The following LAMC3 variants were observed in gnomAD, a reference collection of about 807,000 sequenced individuals.
LAMC3 encodes laminin subunit gamma 3.
Under a neutral mutation model 173.8 loss-of-function variants are expected in LAMC3, and 128 were observed. The ratio of observed to expected loss-of-function variants is 0.74; its 90% CI spans 0.64 to 0.85. The LOEUF is 0.85. Among genes scored for constraint, LAMC3 ranks in the 40% least tolerant of loss-of-function variants. The pLI, the probability that LAMC3 is intolerant of heterozygous loss-of-function variation, is 0.00. For synonymous variants in LAMC3, 897 were observed against 909.1 expected (o/e 0.99, Z 0.24); for missense variants, 2,022 against 2,156.0 (o/e 0.94, Z 1.23).
chr9:131,016,570 T>C (rs1306774607), intron 1 of LAMC3, among the ~76,000 whole-genome samples: 1 of 152,172 alleles, frequency 6.6e-6, no homozygotes, highest in African/African-American at 2.4e-5. Context: ...CATCGAGGCG[T>C]TCTTTATAGT....
intron 8 of LAMC3, among the ~76,000 whole-genome samples, chr9:131,046,430 A>G (rs527430021): frequency 8.0e-5 from 12 of 149,628 alleles, no homozygotes; most frequent in Non-Finnish European, 1.3e-4. Flanking sequence ...GCTGGTCTCA[A>G]TCTCCTGGGC....
chr9:131,024,046 C>A (rs1008946513), intron 1 of LAMC3, among the ~76,000 whole-genome samples: 4 of 151,126 alleles, frequency 2.6e-5, no homozygotes, highest in African/African-American at 9.7e-5. Flanking sequence ...TGTATTTTTT[C>A]TTTTGTTACC....
At chr9:131,052,117 C>T (rs1433716712) in intron 9 of LAMC3, among the ~76,000 whole-genome samples, 4 of 152,168 alleles carry the variant, frequency 2.6e-5, no homozygotes, top group African/African-American at 4.8e-5. Flanking sequence ...CTAGGAATTT[C>T]GTGCTCATGG....
rs376240028 is a variant in LAMC3 at position 131,061,158 on chromosome 9, C to T, written c.2282C>T (p.Ser761Leu). 203 of 1,612,802 alleles carry T rather than the reference C, an allele frequency of 1.3e-4. No individual in the cohort carries two copies. Among genetic ancestry groups the T allele is most frequent in the Non-Finnish European group, 1.5e-4 (179 of 1,179,936 alleles). ...CAGCCCTGTCCCTGCCCTGGCCAGT[C>T]GGCCTGTACGACCATCCCAGAGAGC... Reference protein sequence around the residue: ...DCQPCPCPGQSACTTIPESRE... With the variant: ...DCQPCPCPGQLACTTIPESRE... Residue 761 changes from serine (S) to leucine (L), a missense_variant, in exon 13 of 28, where the codon TCG (serine) becomes TTG (leucine). Transcript: ENST00000361069.
At chr9:131,016,231 T>C (rs57289628) in intron 1 of LAMC3, among the ~76,000 whole-genome samples, 3,962 of 152,182 alleles carry the variant, frequency 0.026, 169 homozygotes, top group African/African-American at 0.091. Flanking sequence ...GGTAGAATGC[T>C]GGTTGCCAGG....
chr9:131,016,429 A>T (rs2133208169), intron 1 of LAMC3, among the ~76,000 whole-genome samples: 1 of 152,360 alleles, frequency 6.6e-6, no homozygotes, highest in Middle Eastern at 3.4e-3. Flanking sequence ...GGGGAAAAGT[A>T]CATGTCAGCC....
intron 2 of LAMC3, among the ~76,000 whole-genome samples, chr9:131,030,843 C>G (rs550041293): frequency 1.3e-5 from 2 of 152,238 alleles, no homozygotes; most frequent in Admixed American, 6.5e-5. Flanking sequence ...AGCATCAGTA[C>G]CTGGGCACTT....
At chr9:131,054,572 G>A (rs553249471) in intron 11 of LAMC3, among the ~76,000 whole-genome samples, 1 of 152,192 alleles carries the variant, frequency 6.6e-6, no homozygotes, top group Non-Finnish European at 1.5e-5. Flanking sequence ...TGGGCAATAT[G>A]GTGAAACCCC....
intron 22 of LAMC3, 85 bp downstream of exon 22, chr9:131,077,419 G>A (rs1034118655): frequency 8.0e-5 from 125 of 1,555,132 alleles, no homozygotes; most frequent in Admixed American, 2.0e-4. Flanking sequence ...GCTCACGCCT[G>A]TAATCGCAGC....
intron 11 of LAMC3, among the ~76,000 whole-genome samples, chr9:131,055,661 A>T (rs1181994962): frequency 6.7e-6 from 1 of 150,030 alleles, no homozygotes; most frequent in Non-Finnish European, 1.5e-5. Context: ...TCCTGACCTT[A>T]TGATTCGCCC....
chr9:131,021,895 T>C (rs1020446563), intron 1 of LAMC3, among the ~76,000 whole-genome samples: 1 of 152,112 alleles, frequency 6.6e-6, no homozygotes, highest in Non-Finnish European at 1.5e-5. Flanking sequence ...TGAGGAACGG[T>C]GAAGGGACGG....
Position 131,020,193 on chromosome 9 carries a change from G to A in LAMC3, c.374-6092G>A, listed in dbSNP as rs3808812. On this transcript the variant is annotated intron_variant, in intron 1 of 27. Transcript: ENST00000361069. ...GGTGAGGCTGCCCTGCCCACCTCGAGCATCAGAACCAGGTGGGTGAGCTGC... is the reference window on the plus strand; with the variant it reads ...GGTGAGGCTGCCCTGCCCACCTCGAACATCAGAACCAGGTGGGTGAGCTGC... Among the ~76,000 whole-genome samples the A allele has an allele frequency of 3.1e-3, 473 of 152,298 alleles. 4 individuals are homozygous for A. The highest frequency in any genetic ancestry group is 0.017 in the East Asian group (87 of 5,170).
At chr9:131,068,591 A>T (rs1454045005) in intron 15 of LAMC3, among the ~76,000 whole-genome samples, 1 of 120,188 alleles carries the variant, frequency 8.3e-6, no homozygotes, top group East Asian at 2.5e-4. Context: ...CAAGTGGAGC[A>T]AACAGGTTTC....
chr9:131,011,331 T>C (rs1468769634), intron 1 of LAMC3, among the ~76,000 whole-genome samples: 2 of 152,186 alleles, frequency 1.3e-5, no homozygotes, highest in Non-Finnish European at 2.9e-5. Flanking sequence ...TCAGAGAGGT[T>C]GTTTTGCCCA....
At chr9:131,028,311 G>A (rs1465078560) in intron 2 of LAMC3, among the ~76,000 whole-genome samples, 1 of 152,126 alleles carries the variant, frequency 6.6e-6, no homozygotes, top group African/African-American at 2.4e-5. Context: ...CGAAAAGGTT[G>A]GAGTACCGCT....
Position 131,087,621 on chromosome 9 carries a change from G to A in LAMC3, c.4376G>A (p.Arg1459Gln), listed in dbSNP as rs4740412. 397,067 of 1,613,758 alleles carry A rather than the reference G, an allele frequency of 0.25. 51,514 individuals are homozygous for A. Among genetic ancestry groups the A allele is most frequent in the Middle Eastern group, 0.31 (1,901 of 6,060 alleles). Residue 1459 changes from arginine to glutamine, a missense_variant and splice_region_variant, in exon 26 of 28, where the codon CGG becomes CAG. Coordinates refer to ENST00000361069, the MANE Select transcript of LAMC3 (RefSeq NM_006059.4). ...AGACAGGAGCTGGAGGAAGCTGAGC[G>A]GGTACGTTTGCCAGGGCCCCTACCC... is the stretch of plus-strand genomic sequence containing the variant. ...ARRQELEEAE[R>Q]VGAGLSEMEQ...
At chr9:131,060,460 A>G (rs1197694302) in intron 12 of LAMC3, among the ~76,000 whole-genome samples, 1 of 152,158 alleles carries the variant, frequency 6.6e-6, no homozygotes, top group African/African-American at 2.4e-5. Flanking sequence ...CCTGGCCAAC[A>G]TGGTGAAACC....
intron 15 of LAMC3, 68 bp from the exon 16 acceptor site, chr9:131,068,840 A>G (rs1442155847): frequency 6.3e-6 from 10 of 1,585,940 alleles, no homozygotes; most frequent in Non-Finnish European, 7.8e-6. Flanking sequence ...AGCCAGCTGC[A>G]GCCGGCAGAG....
chr9:131,052,638 GC>G lies in LAMC3; in HGVS notation c.1783del (p.Gln595ArgfsTer9). The G allele has an allele frequency of 6.2e-7, 1 of 1,613,908 alleles. No individual in the cohort carries two copies. Among genetic ancestry groups the G allele is most frequent in the South Asian group, 1.1e-5 (1 of 91,066 alleles). Reference protein sequence around the residue: ...ALSLRHSSLSGPQDAGHPREV... With the variant: ...ALSLRHSSLSXPQDAGHPREV... ...TCCCTGAGGCACTCTAGCCTGTCTG[GC>G]CCCCAGGATGCCGGGCATCCCAGGG... On this transcript the variant is annotated frameshift_variant, in exon 10 of 28. Transcript: ENST00000361069. LOFTEE classifies it high-confidence loss of function.
Sources: allele counts gnomAD v4.1 joint callset (sites outside exome capture counted in the v4.1 genomes callset), GRCh38; gene constraint gnomAD v4.1.1; transcripts MANE v1.5; gene names NCBI Gene and HGNC (gene_info 2026-07-23, HGNC 2026-07-21).